WDR45B: variants seen among roughly 807,000 people sequenced by gnomAD.
WDR45B encodes WD repeat domain 45B.
A neutral mutation model predicts 44.6 loss-of-function variants in WDR45B; 20 were observed. The ratio of observed to expected loss-of-function variants is 0.45; its 90% CI spans 0.32 to 0.65. WDR45B has a LOEUF of 0.65. WDR45B is among the 30% of genes least tolerant of loss of function. The probability of loss-of-function intolerance (pLI) is 0.05; values close to 1 mark genes in which losing one functional copy is unlikely to be tolerated. For missense variants in WDR45B, 323 were observed against 430.2 expected, an observed-to-expected ratio of 0.75 and a Z score of 2.20; for synonymous variants, 169 against 164.9, an observed-to-expected ratio of 1.02 and a Z score of -0.19.
At chr17:82,621,828 G>C in intron 5 of WDR45B, 29 bp from the exon 6 acceptor site, 1 of 1,612,446 alleles carries the variant, frequency 6.2e-7, no homozygotes. Context: ...CACCAATCAA[G>C]AACTGCCTTT....
In WDR45B at chr17:82,628,190, A is replaced by C. The variant is rs577172777; in HGVS notation, c.245-899T>G. Among the ~76,000 whole-genome samples, 22 of 152,212 alleles carry C rather than the reference A, an allele frequency of 1.4e-4. No homozygotes were observed. In the South Asian group the frequency reaches 4.6e-3, roughly 32 times the overall value. On this transcript the variant is annotated intron_variant, in intron 3 of 9. Coordinates refer to ENST00000392325, the MANE Select transcript of WDR45B (RefSeq NM_019613.4). ...GTATTTTTGGTAGAGATGGGGTTTT[A>C]CCATGTTGTCCAGGCTGGTCTCGAA...
chr17:82,631,014 C>A lies in WDR45B; in HGVS notation c.151G>T (p.Glu51Ter). 1 of 1,613,774 alleles carries A rather than the reference C, an allele frequency of 6.2e-7. No homozygotes were observed. The change falls in exon 3 of 10, where the codon GAA (glutamate) becomes TAA (stop). Residue 51 changes from glutamate (E) to a stop codon, truncating the protein, a stop_gained. Transcript: ENST00000392325. LOFTEE classifies it high-confidence loss of function. ...ATTTCAACATGGCCAACTCCTCCTT[C>A]TAGAAATTCTGAAATGATAGTTTTA... Reference protein sequence around the residue: ...LKEKEKQEFLEGGVGHVEMLF... With the variant: ...LKEKEKQEFL
intron 6 of WDR45B, among the ~76,000 whole-genome samples, chr17:82,619,929 C>T (rs1023221772): frequency 3.9e-5 from 6 of 152,112 alleles, no homozygotes; most frequent in African/African-American, 1.4e-4. Context: ...ACCCGGAGGG[C>T]ACCGCTGCGG....
intron 2 of WDR45B, among the ~76,000 whole-genome samples, chr17:82,635,522 T>C (rs2045821787): frequency 6.7e-6 from 1 of 148,818 alleles, no homozygotes; most frequent in Admixed American, 6.8e-5. Flanking sequence ...ACCTCCTGGG[T>C]TCAAGTGATT....
Position 82,615,894 on chromosome 17 carries a change from G to A in WDR45B, c.*25C>T. ...GAGAGTCTGAAGGCGGCAGGTGGTG[G>A]GTGCTGTGGCGCCCCCAGCTGGAGT... On this transcript the variant is annotated 3_prime_UTR_variant, in exon 10 of 10. Transcript: ENST00000392325. 6.2e-7 allele frequency: 1 copy of A among 1,601,002 alleles called. No homozygotes were observed.
rs755552421 is a variant in WDR45B at position 82,648,261 on chromosome 17, C to T, written c.67+13G>A. 1 of 1,602,960 alleles carries T rather than the reference C, an allele frequency of 6.2e-7. No individual in the cohort carries two copies. Among genetic ancestry groups the T allele is most frequent in the African/African-American group, 1.4e-5 (1 of 73,900 alleles). On this transcript the variant is annotated intron_variant, in intron 1 of 9. Coordinates refer to ENST00000392325, the MANE Select transcript of WDR45B (RefSeq NM_019613.4). ...GCCCGGCCGGGCAAGGCGACAGGGC[C>T]GCGCCTCCTCACCGTGGTCCTGGTT...
chr17:82,617,205 G>T, intron 8 of WDR45B, 91 bp downstream of exon 8: 2 of 1,151,380 alleles, frequency 1.7e-6, no homozygotes, highest in Non-Finnish European at 2.6e-6. Flanking sequence ...ACACCACCCT[G>T]CTGGGGTGGG....
At chr17:82,647,894 C>G (rs957016253) in intron 1 of WDR45B, among the ~76,000 whole-genome samples, 4 of 151,398 alleles carry the variant, frequency 2.6e-5, no homozygotes, top group African/African-American at 9.7e-5. Flanking sequence ...ACCGTGGAGC[C>G]CGCAGGGAGC....
chr17:82,621,815 G>C lies in WDR45B; in HGVS notation c.428-16C>G. On this transcript the variant is annotated splice_polypyrimidine_tract_variant and intron_variant, in intron 5 of 9. Coordinates refer to ENST00000392325, the MANE Select transcript of WDR45B (RefSeq NM_019613.4). ...ACACAGAGGCCTGCGTGGAGACAGA[G>C]GACACCAATCAAGAACTGCCTTTGA... The C allele has an allele frequency of 6.2e-7, 1 of 1,613,654 alleles. No homozygotes were observed. Among genetic ancestry groups the C allele is most frequent in the Non-Finnish European group, 8.5e-7 (1 of 1,179,892 alleles).
At chr17:82,631,166 G>T (rs1050805380) in intron 2 of WDR45B, 144 bp from the exon 3 acceptor site, 2 of 749,490 alleles carry the variant, frequency 2.7e-6, no homozygotes, top group African/African-American at 3.5e-5. Flanking sequence ...TGCCCAGGCT[G>T]GAATGCAGTA....
intron 6 of WDR45B, 86 bp downstream of exon 6, chr17:82,621,523 T>G: frequency 1.3e-6 from 2 of 1,579,920 alleles, no homozygotes; most frequent in Non-Finnish European, 1.7e-6. Context: ...CCCACTGCCT[T>G]TTGAGTCTTG....
intron 6 of WDR45B, among the ~76,000 whole-genome samples, chr17:82,620,567 C>T (rs765724449): frequency 5.3e-5 from 8 of 152,218 alleles, no homozygotes; most frequent in Non-Finnish European, 1.2e-4. Context: ...GCACTGGCAC[C>T]GCGTGAAAGG....
At chr17:82,646,151 C>T (rs1046532143) in intron 1 of WDR45B, among the ~76,000 whole-genome samples, 2 of 149,658 alleles carry the variant, frequency 1.3e-5, no homozygotes, top group East Asian at 2.0e-4. Context: ...TACAACTATA[C>T]TCAACAATAC....
intron 1 of WDR45B, among the ~76,000 whole-genome samples, chr17:82,647,936 A>G (rs937155494): frequency 6.7e-6 from 1 of 148,644 alleles, no homozygotes; most frequent in African/African-American, 2.5e-5. Context: ...GCGCGCGGGG[A>G]GGGGCGTCCG....
At chr17:82,638,330 G>C (rs2045867100) in intron 2 of WDR45B, among the ~76,000 whole-genome samples, 1 of 149,162 alleles carries the variant, frequency 6.7e-6, no homozygotes, top group Non-Finnish European at 1.5e-5. Context: ...GGGTGGTGGT[G>C]GGGAGACAGG....
At position 82,625,247 on chromosome 17, in the gene WDR45B, T is replaced by C. The variant is rs950601478; in HGVS notation, c.427+142A>G. 1.0e-5 allele frequency: 8 copies of C among 796,316 alleles called. No homozygotes were observed. The African/African-American group carries it at 1.4e-4, about 14-fold the overall frequency. 49.3% of individuals were successfully genotyped at this position (796,316 alleles called of 1,614,324 possible). On this transcript the variant is annotated intron_variant, in intron 5 of 9. Transcript: ENST00000392325. ...TGAGCTGTGGGTCCTGGAAGGTCCATCTCCTCTGGAGGCCCCTCTGTGCTC... is the reference window on the plus strand; with the variant it reads ...TGAGCTGTGGGTCCTGGAAGGTCCACCTCCTCTGGAGGCCCCTCTGTGCTC...
At chr17:82,642,124 G>T (rs1263898603) in intron 2 of WDR45B, among the ~76,000 whole-genome samples, 1 of 152,108 alleles carries the variant, frequency 6.6e-6, no homozygotes, top group Non-Finnish European at 1.5e-5. Flanking sequence ...GCCCTCATCT[G>T]TATTCTTGGC....
intron 3 of WDR45B, among the ~76,000 whole-genome samples, chr17:82,630,186 T>C (rs2045749201): frequency 6.6e-6 from 1 of 152,126 alleles, no homozygotes; most frequent in Non-Finnish European, 1.5e-5. Context: ...ACTCACCTCA[T>C]GCACTGCATC....
chr17:82,625,290 G>C, intron 5 of WDR45B, 99 bp downstream of exon 5: 3 of 1,206,038 alleles, frequency 2.5e-6, no homozygotes, highest in Non-Finnish European at 3.7e-6. Context: ...CTCTCGCCAA[G>C]CACTTTGCTC....
Sources: gnomAD v4.1 joint callset for allele counts (sites outside exome capture counted in the v4.1 genomes callset) on GRCh38, gnomAD v4.1.1 for gene constraint, MANE v1.5 for transcripts, NCBI Gene and HGNC (gene_info 2026-07-23, HGNC 2026-07-21) for gene names.